Variants in LGI3 observed in about 807,000 individuals in gnomAD.
LGI3 encodes the protein leucine rich repeat LGI family member 3.
In LGI3, 47 loss-of-function variants were observed where a neutral mutation model predicts 55.4. That is an observed-to-expected ratio of 0.85 (90% CI 0.67 to 1.08). The LOEUF is 1.08. LGI3 is among the 50% of genes least tolerant of loss of function. The pLI, the probability that LGI3 is intolerant of heterozygous loss-of-function variation, is 0.00. For synonymous variants in LGI3, 326 were observed against 315.0 expected (o/e 1.04, Z -0.37); for missense variants, 664 against 726.3 (o/e 0.91, Z 0.99).
At chr8:22,155,356 A>C (rs1270117004) in intron 2 of LGI3, 36 bp downstream of exon 2, 1 of 1,600,372 alleles carries the variant, frequency 6.2e-7, no homozygotes, top group Non-Finnish European at 8.6e-7. Context: ...ACCACCCCAT[A>C]GTTCCCCCAA....
At chr8:22,153,876 CT>C (rs1414758259) in intron 5 of LGI3, 91 bp downstream of exon 5, 1 of 1,367,940 alleles carries the variant, frequency 7.3e-7, no homozygotes, top group East Asian at 2.3e-5. Context: ...CTCTCAAGAC[CT>C]TATGACCATC....
In LGI3 at chr8:22,155,478, G is replaced by T; in HGVS notation, c.207-15C>A. 1 of 1,611,974 alleles carries T rather than the reference G, an allele frequency of 6.2e-7. No individual in the cohort carries two copies. On this transcript the variant is annotated splice_polypyrimidine_tract_variant and intron_variant, in intron 1 of 7. Coordinates refer to ENST00000306317, the MANE Select transcript of LGI3 (RefSeq NM_139278.4). ...TCACCAGGGTCCTGCGGGGACACCCGAGTCAGTACTGTGGGGTCTGCAAGG... is the reference window on the plus strand; with the variant it reads ...TCACCAGGGTCCTGCGGGGACACCCTAGTCAGTACTGTGGGGTCTGCAAGG...
In LGI3 at chr8:22,151,665, G is replaced by C. The variant is rs745966627; in HGVS notation, c.665-12C>G. 4.3e-6 allele frequency: 7 copies of C among 1,613,090 alleles called. No individual in the cohort carries two copies. The highest frequency in any genetic ancestry group is 1.3e-5 in the African/African-American group (1 of 74,916). On this transcript the variant is annotated splice_polypyrimidine_tract_variant and intron_variant, in intron 6 of 7. Transcript: ENST00000306317. ...GTACAACACAAAATCTGCAAGATGA[G>C]AGGTGCGTTACTGAAGACCAGAGGG...
intron 1 of LGI3, 64 bp downstream of exon 1, chr8:22,156,273 C>G: frequency 6.4e-7 from 1 of 1,560,322 alleles, no homozygotes. Flanking sequence ...CTCCTGTCCT[C>G]TCCCAGAGCT....
intron 2 of LGI3, 71 bp from the exon 3 acceptor site, chr8:22,154,702 C>T (rs906806920): frequency 1.7e-6 from 2 of 1,179,810 alleles, no homozygotes; most frequent in Non-Finnish European, 1.3e-6. Context: ...CCCGCTGCCT[C>T]AGCCCTGGGC....
chr8:22,153,990 G>A lies in LGI3; in HGVS notation c.472C>T (p.Pro158Ser). The A allele has an allele frequency of 6.2e-7, 1 of 1,614,132 alleles. No homozygotes were observed. The highest frequency in any genetic ancestry group is 8.5e-7 in the Non-Finnish European group (1 of 1,180,046). Residue 158 changes from proline (P) to serine (S), a missense_variant, in exon 5 of 8, where the codon CCC becomes TCC. Pro to Ser is a moderately conservative substitution (Grantham distance 74, BLOSUM62 -1). Coordinates refer to ENST00000306317, the MANE Select transcript of LGI3 (RefSeq NM_139278.4). The stretch of plus-strand genomic sequence containing the variant: ...TACAAGTCATTCAGGATGTCCAGGG[G>A]CCGGAAGATGTCTCTGGGCAGTGTC... ...LQTLPRDIFR[P>S]LDILNDLDLR...
rs1340463885 is a variant in LGI3 at position 22,148,688 on chromosome 8, C to T, written c.1119G>A (p.Trp373Ter). Residue 373 changes from tryptophan (W) to a stop codon, truncating the protein, a stop_gained, in exon 8 of 8, where the codon TGG becomes TGA. Coordinates refer to ENST00000306317, the MANE Select transcript of LGI3 (RefSeq NM_139278.4). LOFTEE classifies it high-confidence loss of function. This position sits in a 1 kb window ranked among gnomAD's most constrained non-coding sequence, Gnocchi z 7.0. ...GFYSHQALHP[W>*]HRDTDLEFVD... is the part of the protein sequence containing the mutation. ...CAAACTCCAGGTCGGTGTCACGGTG[C>T]CAGGGGTGCAGTGCCTGGTGGGAGT... The T allele has an allele frequency of 6.2e-7, 1 of 1,614,088 alleles. No individual in the cohort carries two copies. The highest frequency in any genetic ancestry group is 2.2e-5 in the East Asian group (1 of 44,878).
chr8:22,147,260 A>G lies in LGI3; in HGVS notation c.*900T>C, dbSNP rs1309584040. 2 of 152,420 alleles carry G rather than the reference A, an allele frequency of 1.3e-5. No individual in the cohort carries two copies. The highest frequency in any genetic ancestry group is 2.9e-5 in the Non-Finnish European group (2 of 68,160). 9.4% of individuals were successfully genotyped at this position (152,420 alleles called of 1,614,324 possible). ...AAGCGACAGCTACAGGAAGGAAGGC[A>G]GAAAGGCTTTCAGATGAGGGGAGGT... On this transcript the variant is annotated 3_prime_UTR_variant, in exon 8 of 8. Transcript: ENST00000306317.
At position 22,151,978 on chromosome 8, in the gene LGI3, T is replaced by G. The variant is rs1176639837; in HGVS notation, c.517A>C (p.Asn173His). Residue 173 changes from asparagine (N) to histidine (H), a missense_variant, in exon 6 of 8, where the codon AAC (asparagine) becomes CAC (histidine). Physicochemically the swap from Asn to His is moderately conservative, Grantham distance 68. Coordinates refer to ENST00000306317, the MANE Select transcript of LGI3 (RefSeq NM_139278.4). ...AACCACTTCACCTTGCAGTCACAGTTGAGTGAGTTGCCCCGCAGGTCCCTG... is the reference window on the plus strand; with the variant it reads ...AACCACTTCACCTTGCAGTCACAGTGGAGTGAGTTGCCCCGCAGGTCCCTG... ...NDLDLRGNSL[N>H]CDCKVKWLVE... The G allele has an allele frequency of 6.2e-7, 1 of 1,606,724 alleles. No individual in the cohort carries two copies. Among genetic ancestry groups the G allele is most frequent in the Admixed American group, 1.7e-5 (1 of 59,598 alleles).
At position 22,153,954 on chromosome 8, in the gene LGI3, G is replaced by C; in HGVS notation, c.494+14C>G. The stretch of plus-strand genomic sequence containing the variant: ...TCTGCGGCACTGTTGGAAGAGGCAG[G>C]ACTCAGGCCTTACAAGTCATTCAGG... On this transcript the variant is annotated intron_variant, in intron 5 of 7. Coordinates refer to ENST00000306317, the MANE Select transcript of LGI3 (RefSeq NM_139278.4). The C allele has an allele frequency of 3.1e-6, 5 of 1,612,984 alleles. No individual in the cohort carries two copies. The South Asian group carries it at 4.4e-5, about 14-fold the overall frequency.
intron 2 of LGI3, 44 bp downstream of exon 2, chr8:22,155,348 C>A (rs555890826): frequency 1.3e-6 from 2 of 1,580,508 alleles, no homozygotes; most frequent in African/African-American, 1.3e-5. Flanking sequence ...CCCCTGCTAC[C>A]ACCCCATAGT....
In LGI3 at chr8:22,152,772, C is replaced by T. The variant is rs190468083; in HGVS notation, c.495-772G>A. Among the ~76,000 whole-genome samples, 112 of 149,744 alleles carry T rather than the reference C, an allele frequency of 7.5e-4. 1 individual carries two copies. Among genetic ancestry groups the T allele is most frequent in the Middle Eastern group, 3.7e-3 (1 of 268 alleles). ...AAAAAAAAAAAAAGCACATGTTGGCCGCGCACAGTGGCTCAGGCCTGTAAT... is the reference window on the plus strand; with the variant it reads ...AAAAAAAAAAAAAGCACATGTTGGCTGCGCACAGTGGCTCAGGCCTGTAAT... On this transcript the variant is annotated intron_variant, in intron 5 of 7. Coordinates refer to ENST00000306317, the MANE Select transcript of LGI3 (RefSeq NM_139278.4).
In LGI3 at chr8:22,151,865, G is replaced by A. The variant is rs375954723; in HGVS notation, c.630C>T (p.Asp210=). The A allele has an allele frequency of 3.1e-6, 5 of 1,613,242 alleles. No individual in the cohort carries two copies. Among genetic ancestry groups the A allele is most frequent in the Non-Finnish European group, 4.2e-6 (5 of 1,179,794 alleles). The change falls in exon 6 of 8, where the codon GAC becomes GAT. Residue 210 remains aspartate (D), a synonymous_variant. Transcript: ENST00000306317. The stretch of plus-strand genomic sequence containing the variant: ...TGCAATCGAACTCCCGCAGCGGCAG[G>A]TCCTGCACCTTGTGCTCCTGGAAGC... The part of the protein sequence containing the change: ...PPRFQEHKVQ[D]LPLREFDCIT...
chr8:22,149,767 C>A (rs1355744807), intron 7 of LGI3, among the ~76,000 whole-genome samples: 2 of 152,096 alleles, frequency 1.3e-5, no homozygotes, highest in Non-Finnish European at 2.9e-5. Context: ...CACTATGACC[C>A]CACCTTTCCC....
intron 5 of LGI3, 58 bp downstream of exon 5, chr8:22,153,910 T>A: frequency 6.4e-7 from 1 of 1,554,620 alleles, no homozygotes; most frequent in Non-Finnish European, 8.9e-7. Context: ...CCCACACCAC[T>A]CCCTCCAGGG....
In LGI3 at chr8:22,156,524, T is replaced by A. The variant is rs1473832909; in HGVS notation, c.19A>T (p.Arg7Trp). 5 of 1,347,784 alleles carry A rather than the reference T, an allele frequency of 3.7e-6. No homozygotes were observed. The highest frequency in any genetic ancestry group is 6.1e-5 in the East Asian group (2 of 32,684). 83.5% of individuals were successfully genotyped at this position (1,347,784 alleles called of 1,614,324 possible). Reference sequence around the variant, plus strand: ...AGCAGCCCCGGCCCCGGGCCCCCCCTGGCCCGCAGCCCCGCCATGCTGCCC... The same window carrying A: ...AGCAGCCCCGGCCCCGGGCCCCCCCAGGCCCGCAGCCCCGCCATGCTGCCC... MAGLRA[R>W]GGPGPGLLAL... Residue 7 changes from arginine (R) to tryptophan (W), a missense_variant, in exon 1 of 8, where the codon AGG becomes TGG. By Grantham distance (101) the Arg-to-Trp change is moderately radical. Coordinates refer to ENST00000306317, the MANE Select transcript of LGI3 (RefSeq NM_139278.4).
rs1827387107 is a variant in LGI3 at position 22,152,059 on chromosome 8, C to T, written c.495-59G>A. The T allele has an allele frequency of 2.1e-5, 30 of 1,399,552 alleles. No homozygotes were observed. The South Asian group carries it at 4.0e-4, about 19-fold the overall frequency. The allele number at this position is 1,399,552 out of a possible 1,614,324, so 86.7% of individuals were successfully genotyped here. A position where few individuals can be genotyped will look rare whatever the true frequency, so the allele number is the denominator to read the frequency against. On this transcript the variant is annotated intron_variant, in intron 5 of 7. Coordinates refer to ENST00000306317, the MANE Select transcript of LGI3 (RefSeq NM_139278.4). ...GAAAGACATGCTCTCAGGGCTCTGCCTACCCAGGCCCTCCAGGTTTTCAGA... is the reference window on the plus strand; with the variant it reads ...GAAAGACATGCTCTCAGGGCTCTGCTTACCCAGGCCCTCCAGGTTTTCAGA...
rs1827326585 is a variant in LGI3, at chr8:22,147,960, T to C, written c.*200A>G. ...CGTTAGGTGTCCCAGGGGTGCCTGG[T>C]GTTCATGCTGATTGCAGTGATGATG... On this transcript the variant is annotated 3_prime_UTR_variant, in exon 8 of 8. Transcript: ENST00000306317. The C allele has an allele frequency of 3.7e-6, 2 of 537,558 alleles. No homozygotes were observed. 33.3% of individuals were successfully genotyped at this position (537,558 alleles called of 1,614,324 possible).
At chr8:22,155,729 C>T (rs749687954) in intron 1 of LGI3, among the ~76,000 whole-genome samples, 5 of 152,254 alleles carry the variant, frequency 3.3e-5, no homozygotes, top group African/African-American at 9.6e-5. Flanking sequence ...CCATCACCCA[C>T]ACCGTTGTCA....
Sources: gnomAD v4.1 joint callset for allele counts (sites outside exome capture counted in the v4.1 genomes callset) on GRCh38, gnomAD v4.1.1 for gene constraint, Gnocchi (gnomAD v3.1) non-coding constraint, MANE v1.5 for transcripts, NCBI Gene and HGNC (gene_info 2026-07-23, HGNC 2026-07-21) for gene names.